The following ASIC2 variants were observed in gnomAD, a reference collection of about 807,000 sequenced individuals.
ASIC2 encodes acid-sensing ion channel 2.
ASIC2 carries 25 observed loss-of-function variants against 57.3 expected under a neutral mutation model. The observed-to-expected ratio is 0.44, with a 90% CI of 0.32 to 0.61. The LOEUF (loss-of-function observed/expected upper bound fraction) is 0.61, where lower values mean the gene tolerates loss of function less well. Ranked by LOEUF, ASIC2 falls within the 20% of genes least tolerant of loss-of-function variation. ASIC2 has a pLI of 0.06. For missense variants in ASIC2, 641 were observed against 738.1 expected (o/e 0.87, Z 1.52); for synonymous variants, 319 against 307.5 (o/e 1.04, Z -0.39).
chr17:33,755,056 T>C (rs1910554182), intron 1 of ASIC2, among the ~76,000 whole-genome samples: 1 of 151,696 alleles, frequency 6.6e-6, no homozygotes, highest in South Asian at 2.1e-4. Flanking sequence ...AAGTTAAAGA[T>C]TTTTGAGCTG....
At chr17:33,835,089 T>C (rs1913236773) in intron 1 of ASIC2, among the ~76,000 whole-genome samples, 2 of 152,160 alleles carry the variant, frequency 1.3e-5, no homozygotes, top group South Asian at 4.1e-4. Context: ...AACTTTCACA[T>C]TGTGAGATTG....
chr17:33,844,853 A>T (rs984047079), intron 1 of ASIC2, among the ~76,000 whole-genome samples: 21 of 152,260 alleles, frequency 1.4e-4, no homozygotes, highest in African/African-American at 4.1e-4. Context: ...ATTTATATAA[A>T]TTTTTTTATT....
chr17:33,077,438 T>G (rs1245218105), intron 3 of ASIC2, among the ~76,000 whole-genome samples: 1 of 152,216 alleles, frequency 6.6e-6, no homozygotes, highest in Admixed American at 6.5e-5. Context: ...TCAAAGGGTA[T>G]TCTCTCATTG....
chr17:33,515,420 C>T (rs988662455), intron 1 of ASIC2, among the ~76,000 whole-genome samples: 3 of 152,256 alleles, frequency 2.0e-5, no homozygotes, highest in Non-Finnish European at 4.4e-5. Context: ...ACCAAACTCA[C>T]TCCATGGCCT....
intron 1 of ASIC2, chr17:33,569,155 T>C (rs951931225): frequency 7.2e-5 from 11 of 152,356 alleles, no homozygotes; most frequent in African/African-American, 2.4e-4. Context: ...ACATCAAATT[T>C]TCATTGAGCA....
chr17:33,176,854 G>A (rs1905777398), intron 1 of ASIC2, among the ~76,000 whole-genome samples: 1 of 152,146 alleles, frequency 6.6e-6, no homozygotes, highest in African/African-American at 2.4e-5. Context: ...CTGTAGAATG[G>A]CCACCAAGGG....
At chr17:33,898,714 T>C (rs1443406748) in intron 1 of ASIC2, among the ~76,000 whole-genome samples, 4 of 152,186 alleles carry the variant, frequency 2.6e-5, no homozygotes, top group African/African-American at 9.7e-5. Context: ...TGTCAGCATA[T>C]CTTTTTATTG....
intron 1 of ASIC2, among the ~76,000 whole-genome samples, chr17:33,165,284 C>T (rs1905273584): frequency 6.6e-6 from 1 of 152,176 alleles, no homozygotes; most frequent in Non-Finnish European, 1.5e-5. Context: ...GGCTAATAGT[C>T]ATGCTGTGCC....
chr17:33,541,158 G>T (rs753763966), intron 1 of ASIC2: 2 of 152,128 alleles, frequency 1.3e-5, no homozygotes, highest in African/African-American at 2.4e-5. Context: ...AGGTTGACAA[G>T]TTTAATACTT....
At chr17:33,878,222 C>G (rs1914602661) in intron 1 of ASIC2, among the ~76,000 whole-genome samples, 1 of 152,218 alleles carries the variant, frequency 6.6e-6, no homozygotes. Context: ...CAAAGGAACA[C>G]ACCTCCTCAC....
intron 1 of ASIC2, among the ~76,000 whole-genome samples, chr17:33,331,391 C>T (rs1249182292): frequency 1.3e-5 from 2 of 152,190 alleles, no homozygotes; most frequent in Non-Finnish European, 2.9e-5. Flanking sequence ...TAAGGCTGCA[C>T]AGGCTTAATT....
chr17:33,072,241 C>A (rs2092072088), intron 3 of ASIC2, among the ~76,000 whole-genome samples: 1 of 152,134 alleles, frequency 6.6e-6, no homozygotes, highest in African/African-American at 2.4e-5. Context: ...TTGCTTATTT[C>A]TCATCTCTTT....
intron 1 of ASIC2, among the ~76,000 whole-genome samples, chr17:33,871,722 G>T (rs1303899800): frequency 6.6e-6 from 1 of 152,164 alleles, no homozygotes; most frequent in African/African-American, 2.4e-5. Context: ...TACGGGAGGA[G>T]GAGGGATGAC....
intron 1 of ASIC2, among the ~76,000 whole-genome samples, chr17:33,648,094 A>T (rs1906802227): frequency 6.6e-6 from 1 of 152,206 alleles, no homozygotes; most frequent in Admixed American, 6.5e-5. Flanking sequence ...TTTGCCTCTG[A>T]ACTGTGAGCT....
intron 1 of ASIC2, among the ~76,000 whole-genome samples, chr17:33,502,354 A>C (rs1400058337): frequency 6.6e-6 from 1 of 152,216 alleles, no homozygotes; most frequent in Non-Finnish European, 1.5e-5. Context: ...GGACAGAGAC[A>C]TCCCAAGTAC....
intron 1 of ASIC2, among the ~76,000 whole-genome samples, chr17:33,268,341 TCATCCATCCATCCATCCATCCATCCATC>T (rs35123270): frequency 1.4e-5 from 2 of 147,814 alleles, no homozygotes; most frequent in Non-Finnish European, 3.0e-5. Flanking sequence ...CATCTTTCCA[TCATCCATCCATCCATCCATCCATCCATC>T]CATCCATCCA....
At chr17:33,474,137 C>A (rs1913141486) in intron 1 of ASIC2, among the ~76,000 whole-genome samples, 2 of 152,136 alleles carry the variant, frequency 1.3e-5, no homozygotes, top group Admixed American at 1.3e-4. Flanking sequence ...GAGGCTGAGG[C>A]AAGCGAATCA....
intron 1 of ASIC2, among the ~76,000 whole-genome samples, chr17:33,427,220 C>T (rs544789401): frequency 6.6e-6 from 1 of 151,978 alleles, no homozygotes; most frequent in Non-Finnish European, 1.5e-5. Context: ...GATTCACATG[C>T]TAAAAATAAA....
At chr17:33,891,975 C>T (rs1014338041) in intron 1 of ASIC2, among the ~76,000 whole-genome samples, 4 of 152,164 alleles carry the variant, frequency 2.6e-5, no homozygotes, top group African/African-American at 9.7e-5. Flanking sequence ...ATTTTCCCTT[C>T]TGACATTGTG....
Sources: gnomAD v4.1 joint callset for allele counts (sites outside exome capture counted in the v4.1 genomes callset) on GRCh38, gnomAD v4.1.1 for gene constraint, MANE v1.5 for transcripts, NCBI Gene and HGNC (gene_info 2026-07-23, HGNC 2026-07-21) for gene names.